The following ZNF804A variants were observed in gnomAD, a reference collection of about 807,000 sequenced individuals.
The protein encoded by ZNF804A is zinc finger protein 804A.
In ZNF804A, 2 loss-of-function variants were observed where a neutral mutation model predicts 16.5. That is an observed-to-expected ratio of 0.12 (90% CI 0.05 to 0.38). The LOEUF is 0.38. ZNF804A is among the 10% of genes least tolerant of loss of function. The pLI is 0.99. For missense variants in ZNF804A, 1,473 were observed against 1,390.7 expected, an observed-to-expected ratio of 1.06 and a Z score of -0.94; for synonymous variants, 534 against 489.6, an observed-to-expected ratio of 1.09 and a Z score of -1.20.
At chr2:184,662,181 T>C (rs546706551) in intron 1 of ZNF804A, among the ~76,000 whole-genome samples, 90 of 152,352 alleles carry the variant, frequency 5.9e-4, no homozygotes, top group African/African-American at 2.1e-3. Context: ...TTTTGTTCTG[T>C]TGCTATTATA....
At chr2:184,918,258 G>A (rs1685481195) in intron 2 of ZNF804A, among the ~76,000 whole-genome samples, 1 of 152,140 alleles carries the variant, frequency 6.6e-6, no homozygotes, top group Non-Finnish European at 1.5e-5. Context: ...GTGGATAGCT[G>A]TAGCTTAACC....
At chr2:184,671,368 T>C (rs1692337200) in intron 1 of ZNF804A, among the ~76,000 whole-genome samples, 1 of 152,216 alleles carries the variant, frequency 6.6e-6, no homozygotes, top group Non-Finnish European at 1.5e-5. Flanking sequence ...CAGGGACCAG[T>C]GGGAAGAAGT....
chr2:184,640,813 G>T (rs979858856), intron 1 of ZNF804A, among the ~76,000 whole-genome samples: 1 of 152,112 alleles, frequency 6.6e-6, no homozygotes. Context: ...AATACATGGG[G>T]CATCTCCCGT....
intron 1 of ZNF804A, among the ~76,000 whole-genome samples, chr2:184,832,021 A>G (rs1460393386): frequency 6.6e-6 from 1 of 152,092 alleles, no homozygotes; most frequent in Non-Finnish European, 1.5e-5. Flanking sequence ...ATTAATAAAA[A>G]ATGCATTATT....
In ZNF804A at chr2:184,651,363, T is replaced by A. The variant is rs946566436; in HGVS notation, c.111+52293T>A. Among the ~76,000 whole-genome samples, 4 of 152,064 alleles carry A rather than the reference T, an allele frequency of 2.6e-5. No homozygotes were observed. The South Asian group carries it at 8.3e-4, about 31-fold the overall frequency. On this transcript the variant is annotated intron_variant, in intron 1 of 3. Transcript: ENST00000302277. ...CCTAATTAAAATCTAGGAAACAGCA[T>A]CCTGAACATTGGCCTTGGGAAAGAA...
At chr2:184,933,573 A>G (rs1220220557) in intron 2 of ZNF804A, 30 bp from the exon 3 acceptor site, 1 of 1,567,338 alleles carries the variant, frequency 6.4e-7, no homozygotes, top group Admixed American at 2.2e-5. Context: ...CCAAAATACA[A>G]TTAATCATTT....
intron 1 of ZNF804A, among the ~76,000 whole-genome samples, chr2:184,758,767 A>G (rs1454232017): frequency 6.6e-6 from 1 of 152,006 alleles, no homozygotes; most frequent in African/African-American, 2.4e-5. Context: ...CATTGCAATT[A>G]TGAACCACAA....
intron 1 of ZNF804A, among the ~76,000 whole-genome samples, chr2:184,760,380 A>C (rs946082114): frequency 2.0e-5 from 3 of 152,156 alleles, no homozygotes; most frequent in African/African-American, 4.8e-5. Context: ...TTTTTCATTA[A>C]AATACATATA....
chr2:184,861,821 T>C (rs1395314720), intron 1 of ZNF804A, among the ~76,000 whole-genome samples: 1 of 152,190 alleles, frequency 6.6e-6, no homozygotes, highest in Non-Finnish European at 1.5e-5. Flanking sequence ...TAAACCATTA[T>C]CTTCTCTATT....
At chr2:184,723,879 T>C (rs1693361457) in intron 1 of ZNF804A, among the ~76,000 whole-genome samples, 1 of 151,710 alleles carries the variant, frequency 6.6e-6, no homozygotes, top group East Asian at 1.9e-4. Flanking sequence ...CTTAATTATG[T>C]ATTAGAAGGA....
chr2:184,831,640 T>C (rs1389559478), intron 1 of ZNF804A, among the ~76,000 whole-genome samples: 1 of 151,960 alleles, frequency 6.6e-6, no homozygotes, highest in Non-Finnish European at 1.5e-5. Flanking sequence ...TATTTAGATT[T>C]AGATTTGAAA....
chr2:184,814,879 G>T (rs1395046952), intron 1 of ZNF804A, among the ~76,000 whole-genome samples: 1 of 152,008 alleles, frequency 6.6e-6, no homozygotes, highest in Non-Finnish European at 1.5e-5. Context: ...AAGTATAAGA[G>T]AAATTCTGGC....
At chr2:184,607,021 A>C (rs958372908) in intron 1 of ZNF804A, among the ~76,000 whole-genome samples, 53 of 152,222 alleles carry the variant, frequency 3.5e-4, no homozygotes, top group African/African-American at 1.3e-3. Context: ...GTTGATAACT[A>C]TATAGGTTTA....
intron 1 of ZNF804A, among the ~76,000 whole-genome samples, chr2:184,855,229 C>T (rs1388656095): frequency 1.3e-5 from 2 of 152,062 alleles, no homozygotes; most frequent in East Asian, 1.9e-4. Flanking sequence ...TAAGTGTAAA[C>T]TTGCTGTCAT....
rs181600624 is a variant in ZNF804A, at chr2:184,903,230, C to A, written c.256-30373C>A. Among the ~76,000 whole-genome samples the A allele has an allele frequency of 2.0e-3, 312 of 152,252 alleles. 2 individuals are homozygous for A. Among genetic ancestry groups the A allele is most frequent in the Admixed American group, 7.0e-3 (107 of 15,268 alleles). On this transcript the variant is annotated intron_variant, in intron 2 of 3. Coordinates refer to ENST00000302277, the MANE Select transcript of ZNF804A (RefSeq NM_194250.2). ...ATCAAATCTGACTCAGTAGAAATCTCCACATATAGAATAAAGATTACTTCA... is the reference window on the plus strand; with the variant it reads ...ATCAAATCTGACTCAGTAGAAATCTACACATATAGAATAAAGATTACTTCA...
intron 2 of ZNF804A, among the ~76,000 whole-genome samples, chr2:184,881,146 C>G (rs1684804661): frequency 6.6e-6 from 1 of 152,126 alleles, no homozygotes; most frequent in South Asian, 2.1e-4. Flanking sequence ...CAGCAGAATC[C>G]ACCCAGCTGA....
chr2:184,855,611 TATATACAC>T (rs1165853245), intron 1 of ZNF804A, among the ~76,000 whole-genome samples: 20 of 142,202 alleles, frequency 1.4e-4, no homozygotes, highest in African/African-American at 3.3e-4. Context: ...CATATATATA[TATATACAC>T]ACACACACAC....
chr2:184,703,005 CAT>C (rs1692950336), intron 1 of ZNF804A, among the ~76,000 whole-genome samples: 1 of 152,142 alleles, frequency 6.6e-6, no homozygotes, highest in African/African-American at 2.4e-5. Context: ...TCATATTATG[CAT>C]ATCAGAATTT....
At chr2:184,665,660 G>A (rs1230461197) in intron 1 of ZNF804A, among the ~76,000 whole-genome samples, 2 of 152,174 alleles carry the variant, frequency 1.3e-5, no homozygotes, top group African/African-American at 4.8e-5. Flanking sequence ...GAAGATCTGG[G>A]GAATAAGCCT....
Sources: allele counts gnomAD v4.1 joint callset (sites outside exome capture counted in the v4.1 genomes callset), GRCh38; gene constraint gnomAD v4.1.1; transcripts MANE v1.5; gene names NCBI Gene and HGNC (gene_info 2026-07-23, HGNC 2026-07-21).